Variants in TASP1 observed in about 807,000 individuals in gnomAD.
TASP1 encodes threonine aspartase 1.
A neutral mutation model predicts 56.6 loss-of-function variants in TASP1; 16 were observed. The ratio of observed to expected loss-of-function variants is 0.28; its 90% CI spans 0.19 to 0.43. The LOEUF is 0.43. TASP1 is among the 20% of genes least tolerant of loss of function. The pLI is 1.00. For missense variants in TASP1, 393 were observed against 511.6 expected (o/e 0.77, Z 2.24); for synonymous variants, 179 against 184.2 (o/e 0.97, Z 0.23).
At chr20:13,221,893 C>T in the TASP1 span, 2 of 1,387,822 alleles carry the variant, frequency 1.4e-6, no homozygotes, top group South Asian at 1.6e-5. Context: ...CCGCGGGCAA[C>T]GCCAGCCAAG....
At chr20:13,477,393 C>T (rs1228716430) in intron 11 of TASP1, among the ~76,000 whole-genome samples, 1 of 150,866 alleles carries the variant, frequency 6.6e-6, no homozygotes, top group Non-Finnish European at 1.5e-5. Flanking sequence ...TTCAGAAATT[C>T]AAAGAAAAAA....
the TASP1 span, among the ~76,000 whole-genome samples, chr20:13,206,567 A>G: frequency 6.6e-6 from 1 of 152,186 alleles, no homozygotes; most frequent in Non-Finnish European, 1.5e-5. Flanking sequence ...CAGGTTGGTG[A>G]GACAGGAGGG....
the TASP1 span, among the ~76,000 whole-genome samples, chr20:13,194,543 ATGTGTG>A: frequency 0.13 from 17,886 of 141,958 alleles, 1,127 homozygotes; most frequent in African/African-American, 0.14. Context: ...TCACCAAGAA[ATGTGTG>A]TGTGTGTGTG....
the TASP1 span, among the ~76,000 whole-genome samples, chr20:13,336,451 G>C: frequency 6.6e-6 from 1 of 152,022 alleles, no homozygotes; most frequent in Non-Finnish European, 1.5e-5. Flanking sequence ...CTGCTGCCCT[G>C]TGCCCGCAGT....
rs551230296 is a variant in TASP1, at chr20:13,540,783, G to A, written c.676-6642C>T. Among the ~76,000 whole-genome samples, 16 of 152,162 alleles carry A rather than the reference G, an allele frequency of 1.1e-4. No homozygotes were observed. In the South Asian group the frequency reaches 2.3e-3, roughly 22 times the overall value. On this transcript the variant is annotated intron_variant, in intron 8 of 13. Transcript: ENST00000337743. ...ATGGAAATATTCTATATTTTGATAG[G>A]AGTATTGGTTACATGGTTATATACA...
chr20:13,553,806 C>T (rs1009210618), intron 8 of TASP1, among the ~76,000 whole-genome samples: 8 of 152,080 alleles, frequency 5.3e-5, no homozygotes, highest in African/African-American at 7.2e-5. Context: ...ACACTGTAAA[C>T]GACCTACCAA....
the TASP1 span, among the ~76,000 whole-genome samples, chr20:13,276,916 T>A: frequency 2.0e-5 from 3 of 152,372 alleles, no homozygotes; most frequent in Admixed American, 6.5e-5. Context: ...AGGTTTTCAC[T>A]TTGTTAACTG....
intron 11 of TASP1, among the ~76,000 whole-genome samples, chr20:13,439,706 G>A (rs908046068): frequency 6.5e-4 from 99 of 152,074 alleles, no homozygotes; most frequent in African/African-American, 2.3e-3. Context: ...ATTTGGGCAA[G>A]TGTCCTGAGC....
the TASP1 span, among the ~76,000 whole-genome samples, chr20:13,205,716 G>T: frequency 2.0e-5 from 3 of 152,152 alleles, no homozygotes; most frequent in African/African-American, 7.2e-5. Context: ...TCACATTGGG[G>T]ATTAGGGCTT....
At chr20:13,462,862 A>T (rs933690339) in intron 11 of TASP1, among the ~76,000 whole-genome samples, 2 of 152,164 alleles carry the variant, frequency 1.3e-5, no homozygotes, top group East Asian at 1.9e-4. Flanking sequence ...AAATATTTTT[A>T]AAAATAAATT....
chr20:13,191,699 A>T, the TASP1 span, among the ~76,000 whole-genome samples: 1 of 152,232 alleles, frequency 6.6e-6, no homozygotes, highest in South Asian at 2.1e-4. Context: ...TACAGTTAAC[A>T]ACAATTTATT....
intron 11 of TASP1, among the ~76,000 whole-genome samples, chr20:13,460,528 A>C (rs2044017563): frequency 6.6e-6 from 1 of 152,140 alleles, no homozygotes; most frequent in Non-Finnish European, 1.5e-5. Context: ...TTATATATGC[A>C]ATTGCCTAAT....
the TASP1 span, chr20:13,167,933 A>C: frequency 1.3e-5 from 2 of 152,190 alleles, no homozygotes; most frequent in Non-Finnish European, 2.9e-5. Context: ...CCTTGTTCTG[A>C]TTCTCTTGTT....
At chr20:13,379,296 C>T in the TASP1 span, among the ~76,000 whole-genome samples, 1 of 152,136 alleles carries the variant, frequency 6.6e-6, no homozygotes, top group African/African-American at 2.4e-5. Context: ...TCAGCATTTG[C>T]TTGTCTGTAA....
the TASP1 span, among the ~76,000 whole-genome samples, chr20:13,290,259 A>G: frequency 2.0e-5 from 3 of 152,170 alleles, no homozygotes; most frequent in African/African-American, 7.2e-5. Flanking sequence ...AATAATAACA[A>G]TATGAGGAGG....
At chr20:13,235,822 G>A in the TASP1 span, among the ~76,000 whole-genome samples, 2 of 152,174 alleles carry the variant, frequency 1.3e-5, no homozygotes, top group Admixed American at 1.3e-4. Context: ...TTTCCCTGAT[G>A]AAAGGGCACC....
At chr20:13,233,381 A>T in the TASP1 span, among the ~76,000 whole-genome samples, 1 of 152,092 alleles carries the variant, frequency 6.6e-6, no homozygotes. Flanking sequence ...GGATCACCTG[A>T]GGTCGGGAGT....
chr20:13,282,779 G>A, the TASP1 span, among the ~76,000 whole-genome samples: 1 of 152,144 alleles, frequency 6.6e-6, no homozygotes, highest in Non-Finnish European at 1.5e-5. Flanking sequence ...GAATAGCCCC[G>A]GGCCTTGTTA....
chr20:13,576,368 AG>A (rs2046922153), intron 6 of TASP1, among the ~76,000 whole-genome samples: 2 of 122,668 alleles, frequency 1.6e-5, no homozygotes, highest in East Asian at 5.5e-4. Context: ...AAAGAAAGAA[AG>A]AAAGAAAGAA....
Sources: gnomAD v4.1 joint callset for allele counts (sites outside exome capture counted in the v4.1 genomes callset) on GRCh38, gnomAD v4.1.1 for gene constraint, MANE v1.5 for transcripts, NCBI Gene and HGNC (gene_info 2026-07-23, HGNC 2026-07-21) for gene names.